The following LAMA3 variants were observed in gnomAD, a reference collection of about 807,000 sequenced individuals.
LAMA3 encodes laminin subunit alpha 3, also known as laminin subunit alpha-3.
In LAMA3, 281 loss-of-function variants were observed where a neutral mutation model predicts 402.0. The observed-to-expected ratio is 0.70, with a 90% CI of 0.63 to 0.77. LAMA3 has a LOEUF of 0.77. LAMA3 is among the 30% of genes least tolerant of loss of function. The pLI, the probability that LAMA3 is intolerant of heterozygous loss-of-function variation, is 0.00. For synonymous variants in LAMA3, 1,431 were observed against 1,558.4 expected (o/e 0.92, Z 1.93); for missense variants, 3,840 against 4,215.5 (o/e 0.91, Z 2.47).
At chr18:23,905,979 G>A (rs1327770069) in intron 52 of LAMA3, among the ~76,000 whole-genome samples, 1 of 151,966 alleles carries the variant, frequency 6.6e-6, no homozygotes, top group Middle Eastern at 3.2e-3. Context: ...TTCCCAGGCT[G>A]GGCTCAAATT....
At chr18:23,904,289 G>A (rs188975361) in intron 50 of LAMA3, among the ~76,000 whole-genome samples, 5 of 152,122 alleles carry the variant, frequency 3.3e-5, no homozygotes, top group Non-Finnish European at 7.4e-5. Flanking sequence ...CGTCCTTTGG[G>A]CACAGCTACA....
intron 12 of LAMA3, among the ~76,000 whole-genome samples, chr18:23,790,760 G>A (rs2062634597): frequency 6.6e-6 from 1 of 152,160 alleles, no homozygotes; most frequent in Admixed American, 6.5e-5. Context: ...AGTATACACT[G>A]CATAATTCCT....
At position 23,861,744 on chromosome 18, in the gene LAMA3, G is replaced by A; in HGVS notation, c.4521G>A (p.Gln1507=). 6 of 1,613,978 alleles carry A rather than the reference G, an allele frequency of 3.7e-6. No individual in the cohort carries two copies. Among genetic ancestry groups the A allele is most frequent in the Non-Finnish European group, 5.1e-6 (6 of 1,179,966 alleles). ...GCAACAGTATGGTGGCGGATCTCCA[G>A]GAGCTGCCCGCAACCATCCACAGCG... ...PGSNSMVADL[Q]ELPATIHSAS... is the part of the protein sequence containing the mutation. Residue 1507 remains glutamine (Q), a synonymous_variant, in exon 35 of 75, where the codon CAG becomes CAA. Coordinates refer to ENST00000313654, the MANE Select transcript of LAMA3 (RefSeq NM_198129.4).
At position 23,861,812 on chromosome 18, in the gene LAMA3, T is replaced by G; in HGVS notation, c.4584+5T>G. On this transcript the variant is annotated splice_donor_5th_base_variant and intron_variant, in intron 35 of 74. Transcript: ENST00000313654. ...ACCTCCTACCTGGGGGACAAGGTAA[T>G]GATGTCCTGCTGTTCTTCTGGGCCC... 6.2e-7 allele frequency: 1 copy of G among 1,611,206 alleles called. No individual in the cohort carries two copies. Among genetic ancestry groups the G allele is most frequent in the Non-Finnish European group, 8.5e-7 (1 of 1,178,510 alleles).
intron 12 of LAMA3, chr18:23,795,892 T>C (rs561533340): frequency 5.6e-6 from 1 of 178,054 alleles, no homozygotes; most frequent in South Asian, 1.0e-4. Context: ...GTGACTGTAT[T>C]TGGAGTAAGG....
At chr18:23,743,088 A>T (rs2061590312) in intron 2 of LAMA3, among the ~76,000 whole-genome samples, 1 of 152,216 alleles carries the variant, frequency 6.6e-6, no homozygotes, top group Admixed American at 6.5e-5. Context: ...GGTGCAGCCT[A>T]GTGGGAATGA....
In LAMA3 at chr18:23,882,012, C is replaced by G. The variant is rs2064913462; in HGVS notation, c.5189C>G (p.Ser1730Cys). The stretch of plus-strand genomic sequence containing the variant: ...TACTATGGCAACGCCGTCCACGGAT[C>G]CTGCAGGGCCTGCCCATGTCCTCAC... ...EGYYGNAVHG[S>C]CRACPCPHTN... The change falls in exon 40 of 75, where the codon TCC becomes TGC. Residue 1730 changes from serine (S) to cysteine (C), a missense_variant. Physicochemically the swap from Ser to Cys is moderately radical, Grantham distance 112 (BLOSUM62 -1). Around this residue, in one of 3 missense-constraint regions of LAMA3, gnomAD observed 2,109 missense variants for 2,376.0 expected, o/e 0.89. Coordinates refer to ENST00000313654, the MANE Select transcript of LAMA3 (RefSeq NM_198129.4). The G allele has an allele frequency of 6.2e-7, 1 of 1,613,766 alleles. No homozygotes were observed. The highest frequency in any genetic ancestry group is 2.2e-5 in the East Asian group (1 of 44,862).
At chr18:23,821,290 C>T (rs2063281063) in intron 19 of LAMA3, among the ~76,000 whole-genome samples, 1 of 152,220 alleles carries the variant, frequency 6.6e-6, no homozygotes. Flanking sequence ...CTGAAACTAA[C>T]ACTTAAAGAT....
intron 2 of LAMA3, among the ~76,000 whole-genome samples, chr18:23,727,297 C>G (rs2061315611): frequency 7.4e-6 from 1 of 135,382 alleles, no homozygotes; most frequent in African/African-American, 2.7e-5. Context: ...CTCTCAATTT[C>G]TGTCCTTGTT....
At chr18:23,891,721 T>C (rs1599018652) in intron 42 of LAMA3, among the ~76,000 whole-genome samples, 1 of 151,914 alleles carries the variant, frequency 6.6e-6, no homozygotes, top group African/African-American at 2.4e-5. Context: ...TAGCAGGAGG[T>C]GTAAAAAAGC....
intron 41 of LAMA3, among the ~76,000 whole-genome samples, chr18:23,888,685 T>G (rs1019672479): frequency 3.9e-5 from 6 of 152,208 alleles, no homozygotes; most frequent in Admixed American, 3.9e-4. Flanking sequence ...GGTAATACAT[T>G]GGTGAAGTAT....
chr18:23,845,237 C>T, intron 30 of LAMA3, 113 bp downstream of exon 30: 1 of 713,480 alleles, frequency 1.4e-6, no homozygotes, highest in East Asian at 2.7e-5. Flanking sequence ...CCCCGCACTG[C>T]CCAAGAGAGT....
intron 8 of LAMA3, among the ~76,000 whole-genome samples, chr18:23,764,363 G>A (rs1291836656): frequency 3.3e-5 from 5 of 152,172 alleles, no homozygotes; most frequent in African/African-American, 4.8e-5. Flanking sequence ...CCCAGGATAA[G>A]GCTAAGCACT....
At position 23,949,867 on chromosome 18, in the gene LAMA3, G is replaced by T; in HGVS notation, c.9454G>T (p.Gly3152Cys). ...AAGCTTCGGGGTGTCTTCCTGCTTG[G>T]GTGGTCCTTTGGAGAAAGGCATTTA... ...SSSFGVSSCL[G>C]GPLEKGIYFS... The change falls in exon 71 of 75, where the codon GGT becomes TGT. Residue 3152 changes from glycine (G) to cysteine (C), a missense_variant. Transcript: ENST00000313654. 4 of 1,613,944 alleles carry T rather than the reference G, an allele frequency of 2.5e-6. No individual in the cohort carries two copies. The highest frequency in any genetic ancestry group is 3.4e-6 in the Non-Finnish European group (4 of 1,180,028).
intron 2 of LAMA3, among the ~76,000 whole-genome samples, chr18:23,730,516 C>G (rs1479871988): frequency 6.6e-6 from 1 of 151,954 alleles, no homozygotes; most frequent in African/African-American, 2.4e-5. Flanking sequence ...TACAGGCACC[C>G]ACCATCACGC....
At chr18:23,846,135 C>T (rs1377391725) in intron 30 of LAMA3, among the ~76,000 whole-genome samples, 162 bp from the exon 31 acceptor site, 3 of 152,220 alleles carry the variant, frequency 2.0e-5, no homozygotes, top group Non-Finnish European at 2.9e-5. Flanking sequence ...TGGCTGTCAC[C>T]GGCTGAGTCT....
intron 2 of LAMA3, among the ~76,000 whole-genome samples, chr18:23,740,742 A>G (rs1054211392): frequency 2.6e-5 from 4 of 152,186 alleles, no homozygotes; most frequent in African/African-American, 7.2e-5. Flanking sequence ...TTTGACAAAC[A>G]TGGAGGAAAC....
At chr18:23,929,724 G>T (rs560050677) in intron 64 of LAMA3, among the ~76,000 whole-genome samples, 1 of 152,302 alleles carries the variant, frequency 6.6e-6, no homozygotes, top group East Asian at 1.9e-4. Context: ...TTTAAAATGA[G>T]CCCTAAAGAA....
At position 23,760,998 on chromosome 18, in the gene LAMA3, T is replaced by TG. The variant is rs113733427; in HGVS notation, c.1064-2399dup. ...TTAGGTTTCACCTATGAATTTGGGG[T>TG]GGGGGGGGCACAAGCGTTCGGACCA... On this transcript the variant is annotated intron_variant, in intron 7 of 74. Transcript: ENST00000313654. 1.6e-3 allele frequency among the ~76,000 whole-genome samples: 236 copies of TG among 151,096 alleles called. 1 individual carries two copies. The highest frequency in any genetic ancestry group is 4.6e-3 in the African/African-American group (188 of 41,142).
Sources: gnomAD v4.1 joint callset for allele counts (sites outside exome capture counted in the v4.1 genomes callset) on GRCh38, gnomAD v4.1.1 for gene constraint, gnomAD v4.1.1 regional missense constraint, MANE v1.5 for transcripts, NCBI Gene and HGNC (gene_info 2026-07-23, HGNC 2026-07-21) for gene names.